Variants in BNC2 observed in about 807,000 individuals in gnomAD.
BNC2 encodes the protein basonuclin zinc finger protein 2.
Under a neutral mutation model 76.3 loss-of-function variants are expected in BNC2, and 20 were observed. The ratio of observed to expected loss-of-function variants is 0.26; its 90% CI spans 0.18 to 0.38. The LOEUF is 0.38. Among genes scored for constraint, BNC2 ranks in the 10% least tolerant of loss-of-function variants. BNC2 has a pLI of 1.00. For missense variants in BNC2, 1,382 were observed against 1,399.8 expected, an observed-to-expected ratio of 0.99 and a Z score of 0.20; for synonymous variants, 582 against 514.8, an observed-to-expected ratio of 1.13 and a Z score of -1.77.
chr9:16,596,381 T>A (rs955489920), intron 3 of BNC2, among the ~76,000 whole-genome samples: 4 of 152,014 alleles, frequency 2.6e-5, no homozygotes, highest in Non-Finnish European at 4.4e-5. Context: ...CTAAAATACA[T>A]ACACATATAC....
At chr9:16,686,363 T>A (rs927136522) in intron 3 of BNC2, among the ~76,000 whole-genome samples, 2 of 152,222 alleles carry the variant, frequency 1.3e-5, no homozygotes, top group Non-Finnish European at 2.9e-5. Context: ...CCCTAAATAC[T>A]GCCTACTGTC....
At chr9:16,827,447 T>C (rs959987869) in intron 1 of BNC2, among the ~76,000 whole-genome samples, 31 of 152,124 alleles carry the variant, frequency 2.0e-4, no homozygotes, top group Non-Finnish European at 2.4e-4. Context: ...ATTGTACTGA[T>C]GGAGAAAGAT....
At chr9:16,830,575 G>A (rs2136016957) in intron 1 of BNC2, among the ~76,000 whole-genome samples, 2 of 152,280 alleles carry the variant, frequency 1.3e-5, no homozygotes, top group South Asian at 4.1e-4. Flanking sequence ...TCCACGGTTG[G>A]TTGAATCTGC....
At chr9:16,754,082 G>A (rs1197669660) in intron 1 of BNC2, among the ~76,000 whole-genome samples, 1 of 152,182 alleles carries the variant, frequency 6.6e-6, no homozygotes, top group East Asian at 1.9e-4. Context: ...CTCTCAGAAA[G>A]GGTAAATTAT....
intron 3 of BNC2, among the ~76,000 whole-genome samples, chr9:16,629,352 C>A (rs1195774410): frequency 1.3e-5 from 2 of 152,208 alleles, no homozygotes; most frequent in African/African-American, 4.8e-5. Flanking sequence ...GGCCAGAAGA[C>A]TCACTACATT....
At chr9:16,662,751 A>G (rs940214712) in intron 3 of BNC2, among the ~76,000 whole-genome samples, 2 of 152,144 alleles carry the variant, frequency 1.3e-5, no homozygotes, top group Non-Finnish European at 2.9e-5. Flanking sequence ...AAAATAAAAC[A>G]AGAGAAAATA....
intron 5 of BNC2, among the ~76,000 whole-genome samples, chr9:16,469,194 GTGAA>G (rs1821763862): frequency 2.4e-5 from 1 of 41,082 alleles, no homozygotes; most frequent in African/African-American, 1.5e-4. Context: ...CTCAGAAAAA[GTGAA>G]CATGCTCTCA....
chr9:16,476,788 G>A (rs1821937544), intron 5 of BNC2, among the ~76,000 whole-genome samples: 1 of 152,060 alleles, frequency 6.6e-6, no homozygotes, highest in South Asian at 2.1e-4. Context: ...CCAAATTTCT[G>A]TCATTTTCTA....
intron 1 of BNC2, among the ~76,000 whole-genome samples, chr9:16,777,104 C>T (rs935266188): frequency 3.3e-5 from 5 of 151,130 alleles, no homozygotes; most frequent in Admixed American, 6.6e-5. Flanking sequence ...CCAGCCTGGG[C>T]GACAGAGTGA....
At chr9:16,663,317 G>A (rs56846676) in intron 3 of BNC2, among the ~76,000 whole-genome samples, 2 of 151,850 alleles carry the variant, frequency 1.3e-5, no homozygotes, top group East Asian at 1.9e-4. Flanking sequence ...ATTTTTAGTA[G>A]AGACAGGGTT....
chr9:16,415,680 G>A lies in BNC2; in HGVS notation c.*3309C>T, dbSNP rs1298207664. On this transcript the variant is annotated 3_prime_UTR_variant, in exon 7 of 7. Coordinates refer to ENST00000380672, the MANE Select transcript of BNC2 (RefSeq NM_017637.6). ...TAGAATTCTAGTTAAGTCAAAACAA[G>A]ACACTCAGGCACACACTCAAGAACG... The A allele has an allele frequency of 2.0e-5, 3 of 152,020 alleles. No individual in the cohort carries two copies. The highest frequency in any genetic ancestry group is 2.0e-4 in the Admixed American group (3 of 15,254). The allele number at this position is 152,020 out of a possible 1,614,324, so 9.4% of individuals were successfully genotyped here.
intron 4 of BNC2, among the ~76,000 whole-genome samples, chr9:16,575,027 C>G (rs762086008): frequency 1.3e-5 from 2 of 152,192 alleles, no homozygotes; most frequent in Admixed American, 6.5e-5. Flanking sequence ...TTAGTGATAA[C>G]AGCAACTAAC....
intron 6 of BNC2, among the ~76,000 whole-genome samples, chr9:16,428,666 C>CT (rs1031002383): frequency 4.0e-5 from 6 of 151,428 alleles, no homozygotes; most frequent in Non-Finnish European, 7.4e-5. Flanking sequence ...AAACACTTGT[C>CT]TTTTTTTTTC....
intron 4 of BNC2, among the ~76,000 whole-genome samples, chr9:16,555,077 T>C (rs1818782588): frequency 6.8e-6 from 1 of 147,000 alleles, no homozygotes. Flanking sequence ...TGGAGGGCAG[T>C]GGCGCGATCT....
chr9:16,676,270 G>A (rs768382655), intron 3 of BNC2, among the ~76,000 whole-genome samples: 15 of 152,026 alleles, frequency 9.9e-5, no homozygotes, highest in Non-Finnish European at 2.2e-4. Context: ...AACATCACTA[G>A]CTATTCTTAT....
At chr9:16,428,249 C>A (rs561920676) in intron 6 of BNC2, among the ~76,000 whole-genome samples, 2 of 152,092 alleles carry the variant, frequency 1.3e-5, no homozygotes, top group African/African-American at 4.8e-5. Context: ...TACGAGTGAG[C>A]GAACTGACCC....
At position 16,480,919 on chromosome 9, in the gene BNC2, G is replaced by A. The variant is rs369586525; in HGVS notation, c.670-43395C>T. Among the ~76,000 whole-genome samples, 217 of 152,354 alleles carry A rather than the reference G, an allele frequency of 1.4e-3. 1 individual carries two copies. The highest frequency in any genetic ancestry group is 5.0e-3 in the African/African-American group (210 of 41,588). ...GCACATGGCACGGGACTGGCAGGCA[G>A]CTCCACCTGCAGCCTGGTGCGGGAT... On this transcript the variant is annotated intron_variant, in intron 5 of 6. Transcript: ENST00000380672.
At chr9:16,460,587 C>G (rs1052949966) in intron 5 of BNC2, among the ~76,000 whole-genome samples, 1 of 152,168 alleles carries the variant, frequency 6.6e-6, no homozygotes, top group Non-Finnish European at 1.5e-5. Flanking sequence ...CATGCCGCTG[C>G]ACTCTAGCCT....
chr9:16,537,320 G>A (rs890076234), intron 5 of BNC2, among the ~76,000 whole-genome samples: 1 of 151,864 alleles, frequency 6.6e-6, no homozygotes, highest in Non-Finnish European at 1.5e-5. Context: ...AATCGCACTC[G>A]AAACACTATA....
Sources: gnomAD v4.1 joint callset for allele counts (sites outside exome capture counted in the v4.1 genomes callset) on GRCh38, gnomAD v4.1.1 for gene constraint, MANE v1.5 for transcripts, NCBI Gene and HGNC (gene_info 2026-07-23, HGNC 2026-07-21) for gene names.